The following C10orf71 variants were observed in gnomAD, a reference collection of about 807,000 sequenced individuals.
C10orf71 encodes the protein cardiac-enriched FHL2-interacting protein.
For missense variants in C10orf71, 1,869 were observed against 1,804.5 expected (o/e 1.04, Z -0.65); for synonymous variants, 758 against 726.3 (o/e 1.04, Z -0.70).
rs949489674 is a variant in C10orf71, at chr10:49,325,242, G to T, written c.2697G>T (p.Trp899Cys). ...AGGAGGAATTGCCAAGGCCAGAATGGGGTGAGGATCCTGGGTTTTGTGCCC... is the reference window on the plus strand; with the variant it reads ...AGGAGGAATTGCCAAGGCCAGAATGTGGTGAGGATCCTGGGTTTTGTGCCC... ...HKEEELPRPE[W>C]GEDPGFCAPE... The change falls in exon 3 of 3, where the codon TGG (tryptophan) becomes TGT (cysteine). Residue 899 changes from tryptophan to cysteine, a missense_variant. Trp to Cys is a radical substitution (Grantham distance 215). Transcript: ENST00000374144. 4 of 1,551,754 alleles carry T rather than the reference G, an allele frequency of 2.6e-6. No individual in the cohort carries two copies. The African/African-American group carries it at 5.5e-5, about 21-fold the overall frequency.
chr10:49,321,517 G>A (rs1029855674), intron 2 of C10orf71, among the ~76,000 whole-genome samples: 1 of 152,218 alleles, frequency 6.6e-6, no homozygotes, highest in Non-Finnish European at 1.5e-5. Context: ...ATGAACAGGT[G>A]GGTGCAGATA....
At position 49,325,894 on chromosome 10, in the gene C10orf71, C is replaced by T. The variant is rs1849229025; in HGVS notation, c.3349C>T (p.Leu1117Phe). 2 of 1,549,904 alleles carry T rather than the reference C, an allele frequency of 1.3e-6. No individual in the cohort carries two copies. Among genetic ancestry groups the T allele is most frequent in the Non-Finnish European group, 1.7e-6 (2 of 1,145,830 alleles). The change falls in exon 3 of 3, where the codon CTC becomes TTC. Residue 1117 changes from leucine (L) to phenylalanine (F), a missense_variant. By Grantham distance (22) the Leu-to-Phe change is conservative. Transcript: ENST00000374144. ...VTRREDLTHA[L>F]VWEGGSDPLL... ...CCGGAGGGAGGACCTGACCCACGCC[C>T]TCGTGTGGGAGGGCGGCTCTGACCC...
In C10orf71 at chr10:49,324,308, A is replaced by G. The variant is rs764393943; in HGVS notation, c.1763A>G (p.Tyr588Cys). 1.4e-5 allele frequency: 23 copies of G among 1,613,826 alleles called. No homozygotes were observed. In the East Asian group the frequency reaches 4.2e-4, roughly 30 times the overall value. Residue 588 changes from tyrosine to cysteine, a missense_variant, in exon 3 of 3, where the codon TAT becomes TGT. By Grantham distance (194) the Tyr-to-Cys change is radical. Transcript: ENST00000374144. ...ADPSEPSADS[Y>C]LTLSTAPTIA... Reference sequence around the variant, plus strand: ...CCCAGTGAGCCCTCTGCAGACAGCTATCTAACTCTTAGCACAGCTCCGACT... The same window carrying G: ...CCCAGTGAGCCCTCTGCAGACAGCTGTCTAACTCTTAGCACAGCTCCGACT...
At chr10:49,309,518 T>A (rs1030178826) in intron 1 of C10orf71, among the ~76,000 whole-genome samples, 9 of 152,306 alleles carry the variant, frequency 5.9e-5, no homozygotes, top group South Asian at 2.1e-4. Flanking sequence ...ATTTTAAGCC[T>A]CCTAGCCTAT....
chr10:49,303,172 A>C (rs2132398142), intron 1 of C10orf71, among the ~76,000 whole-genome samples: 1 of 152,184 alleles, frequency 6.6e-6, no homozygotes, highest in African/African-American at 2.4e-5. Flanking sequence ...CATGCTCACA[A>C]CTCAGTGGGA....
chr10:49,325,951 A>G lies in C10orf71; in HGVS notation c.3406A>G (p.Thr1136Ala). 6.4e-7 allele frequency: 1 copy of G among 1,551,514 alleles called. No homozygotes were observed. The highest frequency in any genetic ancestry group is 1.2e-5 in the South Asian group (1 of 84,056). The change falls in exon 3 of 3, where the codon ACC becomes GCC. Residue 1136 changes from threonine to alanine, a missense_variant. Physicochemically the swap from Thr to Ala is moderately conservative, Grantham distance 58. Transcript: ENST00000374144. ...LLELSAEDLR[T>A]LSPRGSLLDV... is the part of the protein sequence containing the mutation. Reference sequence around the variant, plus strand: ...TGAGCTGTCGGCAGAAGACCTCCGGACCCTCTCTCCAAGAGGTTCATTGCT... The same window carrying G: ...TGAGCTGTCGGCAGAAGACCTCCGGGCCCTCTCTCCAAGAGGTTCATTGCT...
At chr10:49,301,308 GT>G (rs1219600065) in intron 1 of C10orf71, among the ~76,000 whole-genome samples, 1 of 152,190 alleles carries the variant, frequency 6.6e-6, no homozygotes, top group African/African-American at 2.4e-5. Context: ...CCATTTGAGA[GT>G]TTAAACCTCA....
intron 1 of C10orf71, among the ~76,000 whole-genome samples, chr10:49,303,072 A>AT (rs1025026173): frequency 4.6e-5 from 7 of 152,046 alleles, no homozygotes; most frequent in Non-Finnish European, 5.9e-5. Context: ...CTATTTAGAG[A>AT]TTTTTTTCTT....
rs765010696 is a variant in C10orf71, at chr10:49,323,229, C to G, written c.684C>G (p.Ala228=). ...AGTCCTCCAAGAATCCAGAAATGGC[C>G]TGTCACGGCTCCAGCAGCTTCCTCC... ...EQESSKNPEM[A]CHGSSSFLPA... The change falls in exon 3 of 3, where the codon GCC becomes GCG. Residue 228 remains alanine, a synonymous_variant. Transcript: ENST00000374144. The G allele has an allele frequency of 3.7e-6, 6 of 1,613,944 alleles. No individual in the cohort carries two copies. The Admixed American group carries it at 1.0e-4, about 27-fold the overall frequency.
intron 1 of C10orf71, among the ~76,000 whole-genome samples, chr10:49,308,153 C>A (rs988374550): frequency 1.3e-5 from 2 of 152,234 alleles, no homozygotes; most frequent in Non-Finnish European, 2.9e-5. Context: ...TGCTCACATC[C>A]AGTTCTGTGG....
In C10orf71 at chr10:49,324,387, T is replaced by A; in HGVS notation, c.1842T>A (p.Tyr614Ter). 1 of 1,612,900 alleles carries A rather than the reference T, an allele frequency of 6.2e-7. No homozygotes were observed. The highest frequency in any genetic ancestry group is 8.5e-7 in the Non-Finnish European group (1 of 1,179,340). Reference sequence around the variant, plus strand: ...GGGAGGCTGCTGAGAGAAGCAGTTATGAGAACAAGGAGGTGGAAGGAGAGT... The same window carrying A: ...GGGAGGCTGCTGAGAGAAGCAGTTAAGAGAACAAGGAGGTGGAAGGAGAGT... ...VNGEAAERSS[Y>*]ENKEVEGELE... is the part of the protein sequence containing the mutation. Residue 614 changes from tyrosine to a stop codon, truncating the protein, a stop_gained, in exon 3 of 3, where the codon TAT (tyrosine) becomes TAA (stop). Transcript: ENST00000374144. LOFTEE classifies it low-confidence loss of function (END_TRUNC).
chr10:49,307,224 C>T (rs1415431908), intron 1 of C10orf71, among the ~76,000 whole-genome samples: 1 of 151,982 alleles, frequency 6.6e-6, no homozygotes, highest in Admixed American at 6.5e-5. Context: ...CTGAGCTCGC[C>T]AGGAGAAGCC....
Position 49,323,306 on chromosome 10 carries a change from A to T in C10orf71, c.761A>T (p.His254Leu), listed in dbSNP as rs768249477. The stretch of plus-strand genomic sequence containing the variant: ...TGTGAGTCAAAGTTCCCCTCTCCAC[A>T]CCACAAGCCAGTCACGGGTGAGCCT... ...TLCESKFPSP[H>L]HKPVTGEPGR... The change falls in exon 3 of 3, where the codon CAC (histidine) becomes CTC (leucine). Residue 254 changes from histidine (H) to leucine (L), a missense_variant. Transcript: ENST00000374144. 4.3e-6 allele frequency: 7 copies of T among 1,613,336 alleles called. No individual in the cohort carries two copies. In the Admixed American group the frequency reaches 5.0e-5, roughly 12 times the overall value.
intron 1 of C10orf71, among the ~76,000 whole-genome samples, chr10:49,305,063 G>A (rs1848789582): frequency 6.6e-6 from 1 of 152,208 alleles, no homozygotes; most frequent in Non-Finnish European, 1.5e-5. Flanking sequence ...GTAAGTAAGG[G>A]CCAGGGCAGG....
Position 49,322,832 on chromosome 10 carries a change from C to T in C10orf71, c.287C>T (p.Ala96Val), listed in dbSNP as rs368058122. The T allele has an allele frequency of 7.0e-5, 113 of 1,613,770 alleles. No individual in the cohort carries two copies. Among genetic ancestry groups the T allele is most frequent in the African/African-American group, 9.3e-5 (7 of 74,890 alleles). The change falls in exon 3 of 3, where the codon GCG (alanine) becomes GTG (valine). Residue 96 changes from alanine (A) to valine (V), a missense_variant. Coordinates refer to ENST00000374144, the MANE Select transcript of C10orf71 (RefSeq NM_001135196.2). ...CAGGGCACGGAACATTCGGGCTGGG[C>T]GGCCACCTTCCAACAGCTACCCAAG... ...PSQGTEHSGW[A>V]ATFQQLPKYV...
At chr10:49,308,328 G>A (rs1393593426) in intron 1 of C10orf71, among the ~76,000 whole-genome samples, 1 of 152,238 alleles carries the variant, frequency 6.6e-6, no homozygotes, top group Non-Finnish European at 1.5e-5. Context: ...ACCACATCAT[G>A]TTCCTGGGGC....
chr10:49,300,528 A>C (rs1003888318), intron 1 of C10orf71, among the ~76,000 whole-genome samples: 1 of 150,794 alleles, frequency 6.6e-6, no homozygotes, highest in African/African-American at 2.4e-5. Context: ...CAGACCCTTC[A>C]GGACCAGTGG....
At chr10:49,320,062 T>C (rs1849068901) in intron 2 of C10orf71, among the ~76,000 whole-genome samples, 1 of 152,130 alleles carries the variant, frequency 6.6e-6, no homozygotes, top group Non-Finnish European at 1.5e-5. Flanking sequence ...ATTGATTGCA[T>C]GAACATACGA....
At position 49,323,371 on chromosome 10, in the gene C10orf71, G is replaced by T. The variant is rs746830613; in HGVS notation, c.826G>T (p.Ala276Ser). ...KGTFLHSENSAFESWNAHQPK... is the reference protein window; with the variant it reads ...KGTFLHSENSSFESWNAHQPK... The stretch of plus-strand genomic sequence containing the variant: ...TACCTTTCTGCACAGTGAAAATAGT[G>T]CTTTTGAGTCATGGAATGCCCACCA... Residue 276 changes from alanine to serine, a missense_variant, in exon 3 of 3, where the codon GCT (alanine) becomes TCT (serine). By Grantham distance (99) the Ala-to-Ser change is moderately conservative. Coordinates refer to ENST00000374144, the MANE Select transcript of C10orf71 (RefSeq NM_001135196.2). The T allele has an allele frequency of 1.2e-6, 2 of 1,613,950 alleles. No individual in the cohort carries two copies. Among genetic ancestry groups the T allele is most frequent in the South Asian group, 2.2e-5 (2 of 91,082 alleles).
Sources: gnomAD v4.1 joint callset for allele counts (sites outside exome capture counted in the v4.1 genomes callset) on GRCh38, gnomAD v4.1.1 for gene constraint, MANE v1.5 for transcripts, NCBI Gene and HGNC (gene_info 2026-07-23, HGNC 2026-07-21) for gene names.